Variants in CNTNAP5 observed in about 807,000 individuals in gnomAD.
CNTNAP5 encodes the protein contactin-associated protein-like 5.
CNTNAP5 carries 72 observed loss-of-function variants against 150.2 expected under a neutral mutation model. The observed-to-expected ratio is 0.48, with a 90% CI of 0.40 to 0.58. The LOEUF (loss-of-function observed/expected upper bound fraction) is 0.58, where lower values mean the gene tolerates loss of function less well. Ranked by LOEUF, CNTNAP5 falls within the 20% of genes least tolerant of loss-of-function variation. CNTNAP5 has a pLI of 0.00. For synonymous variants in CNTNAP5, 672 were observed against 619.8 expected (o/e 1.08, Z -1.25); for missense variants, 1,636 against 1,626.2 (o/e 1.01, Z -0.10).
intron 1 of CNTNAP5, among the ~76,000 whole-genome samples, chr2:124,031,899 G>A (rs1232381095): frequency 3.9e-5 from 6 of 152,036 alleles, no homozygotes; most frequent in African/African-American, 1.4e-4. Flanking sequence ...ATGATTCCAT[G>A]AATCCTATGT....
At chr2:124,490,043 G>T (rs1343536725) in intron 7 of CNTNAP5, among the ~76,000 whole-genome samples, 1 of 152,132 alleles carries the variant, frequency 6.6e-6, no homozygotes, top group African/African-American at 2.4e-5. Context: ...CAGGCAGAGT[G>T]CAGTGGCTTA....
chr2:124,653,678 A>C (rs1268585033), intron 13 of CNTNAP5, among the ~76,000 whole-genome samples: 6 of 148,322 alleles, frequency 4.0e-5, no homozygotes, highest in Non-Finnish European at 8.8e-5. Flanking sequence ...GGTAGAAAAG[A>C]AACAGTATGT....
intron 19 of CNTNAP5, among the ~76,000 whole-genome samples, chr2:124,860,372 C>T (rs1677487855): frequency 6.6e-6 from 1 of 151,650 alleles, no homozygotes; most frequent in Admixed American, 6.6e-5. Context: ...ATTTCTAAGA[C>T]CCACCAAATT....
At chr2:124,658,688 A>G (rs1573528888) in intron 13 of CNTNAP5, among the ~76,000 whole-genome samples, 4 of 152,354 alleles carry the variant, frequency 2.6e-5, no homozygotes, top group Admixed American at 2.6e-4. Context: ...CAAGAATAGC[A>G]AGAAAAACAA....
intron 21 of CNTNAP5, among the ~76,000 whole-genome samples, chr2:124,885,549 T>TCACACACACACA (rs3980831): frequency 1.4e-3 from 202 of 145,364 alleles, no homozygotes; most frequent in Middle Eastern, 3.5e-3. Flanking sequence ...AACATTTTCA[T>TCACACACACACA]CACACACACA....
At chr2:124,487,794 CT>C (rs1032256311) in intron 7 of CNTNAP5, among the ~76,000 whole-genome samples, 12 of 151,784 alleles carry the variant, frequency 7.9e-5, no homozygotes, top group South Asian at 2.1e-4. Context: ...AAAATCTAGG[CT>C]TTTTTTTCCC....
chr2:124,193,418 T>A (rs7598484), intron 1 of CNTNAP5, among the ~76,000 whole-genome samples: 31,033 of 152,134 alleles, frequency 0.2, 3,357 homozygotes, highest in African/African-American at 0.24. Context: ...TTGTATCTTT[T>A]GTTCATTGAT....
At chr2:124,872,787 C>G (rs531522615) in intron 21 of CNTNAP5, among the ~76,000 whole-genome samples, 50 of 151,810 alleles carry the variant, frequency 3.3e-4, no homozygotes, top group African/African-American at 1.2e-3. Context: ...TCCAATAATA[C>G]CCTCTTGTTA....
At chr2:124,181,682 C>T (rs1324062675) in intron 1 of CNTNAP5, among the ~76,000 whole-genome samples, 2 of 152,132 alleles carry the variant, frequency 1.3e-5, no homozygotes, top group African/African-American at 2.4e-5. Flanking sequence ...CAAGTCATTT[C>T]GTTTTATGTG....
chr2:124,194,093 C>G (rs935929422), intron 1 of CNTNAP5, among the ~76,000 whole-genome samples: 16 of 152,164 alleles, frequency 1.1e-4, no homozygotes, highest in African/African-American at 3.9e-4. Context: ...CCTTGGCGGG[C>G]ATATCCAGAG....
chr2:124,361,844 G>A (rs1183893624), intron 3 of CNTNAP5, among the ~76,000 whole-genome samples: 2 of 152,126 alleles, frequency 1.3e-5, no homozygotes, highest in African/African-American at 4.8e-5. Flanking sequence ...CACCCAGTTC[G>A]AGCTTCCCAG....
At chr2:124,443,813 CGTGT>C (rs3034804) in intron 5 of CNTNAP5, among the ~76,000 whole-genome samples, 62,865 of 143,564 alleles carry the variant, frequency 0.44, 13,479 homozygotes, top group Middle Eastern at 0.55. Context: ...AATTCCTTGC[CGTGT>C]GTGTGTGTGT....
intron 1 of CNTNAP5, among the ~76,000 whole-genome samples, chr2:124,030,657 G>GA (rs956841926): frequency 2.9e-4 from 43 of 146,202 alleles, no homozygotes; most frequent in South Asian, 8.7e-4. Flanking sequence ...ACATCTAAAA[G>GA]AAAAAAAAAA....
At chr2:124,411,406 C>A (rs1421171678) in intron 3 of CNTNAP5, among the ~76,000 whole-genome samples, 1 of 151,924 alleles carries the variant, frequency 6.6e-6, no homozygotes, top group Non-Finnish European at 1.5e-5. Context: ...GATACCAAAG[C>A]CAGGCAGAGA....
At chr2:124,137,887 T>C (rs1326492147) in intron 1 of CNTNAP5, among the ~76,000 whole-genome samples, 1 of 152,074 alleles carries the variant, frequency 6.6e-6, no homozygotes, top group East Asian at 1.9e-4. Context: ...AGGTTCCAGG[T>C]TCTAAATTCA....
intron 3 of CNTNAP5, among the ~76,000 whole-genome samples, chr2:124,246,639 T>C (rs905830089): frequency 6.6e-6 from 1 of 152,144 alleles, no homozygotes; most frequent in African/African-American, 2.4e-5. Flanking sequence ...ACAGTCCTTT[T>C]GAAAGATATG....
chr2:124,576,743 A>G (rs111950745), intron 11 of CNTNAP5, among the ~76,000 whole-genome samples: 3,511 of 152,340 alleles, frequency 0.023, 152 homozygotes, highest in African/African-American at 0.08. Context: ...TCACCTTCTC[A>G]GAACGTTAGT....
intron 7 of CNTNAP5, among the ~76,000 whole-genome samples, chr2:124,483,181 C>T (rs1178300239): frequency 6.6e-6 from 1 of 152,142 alleles, no homozygotes; most frequent in Admixed American, 6.5e-5. Flanking sequence ...GAGTAATGCT[C>T]AAAATATTCA....
chr2:124,476,612 A>G (rs991883920), intron 7 of CNTNAP5, among the ~76,000 whole-genome samples: 1 of 152,162 alleles, frequency 6.6e-6, no homozygotes, highest in Non-Finnish European at 1.5e-5. Flanking sequence ...AGTTGATACC[A>G]TAGGGAGAGA....
Sources: allele counts gnomAD v4.1 joint callset (sites outside exome capture counted in the v4.1 genomes callset), GRCh38; gene constraint gnomAD v4.1.1; transcripts MANE v1.5; gene names NCBI Gene and HGNC (gene_info 2026-07-23, HGNC 2026-07-21).